The following DNAH9 variants were observed in gnomAD, a reference collection of about 807,000 sequenced individuals.
DNAH9 encodes the protein dynein axonemal heavy chain 9, also known as DNAH9 variant protein.
Under a neutral mutation model 471.6 loss-of-function variants are expected in DNAH9, and 345 were observed. That is an observed-to-expected ratio of 0.73 (90% CI 0.67 to 0.80). The LOEUF (loss-of-function observed/expected upper bound fraction) is 0.80. DNAH9 is among the 30% of genes least tolerant of loss of function. The pLI, the probability that DNAH9 is intolerant of heterozygous loss-of-function variation, is 0.00. For synonymous variants in DNAH9, 2,093 were observed against 2,123.6 expected, an observed-to-expected ratio of 0.99 and a Z score of 0.40; for missense variants, 5,407 against 5,609.2, an observed-to-expected ratio of 0.96 and a Z score of 1.15.
chr17:11,760,764 C>A (rs1967631051), intron 35 of DNAH9, among the ~76,000 whole-genome samples: 1 of 152,126 alleles, frequency 6.6e-6, no homozygotes, highest in African/African-American at 2.4e-5. Flanking sequence ...GTGATCTGCC[C>A]TCCTCGGCCT....
At chr17:11,619,927 G>A in intron 6 of DNAH9, 146 bp downstream of exon 6, 1 of 612,474 alleles carries the variant, frequency 1.6e-6, no homozygotes. Context: ...GGTTCAATTG[G>A]CCAGTCACAG....
At chr17:11,958,919 GATAAT>G (rs1975837135) in intron 67 of DNAH9, among the ~76,000 whole-genome samples, 1 of 151,994 alleles carries the variant, frequency 6.6e-6, no homozygotes, top group African/African-American at 2.4e-5. Context: ...ATAAGAATAA[GATAAT>G]ATATCATGGC....
Position 11,598,795 on chromosome 17 carries a change from G to T in DNAH9, c.297G>T (p.Lys99Asn). 1 of 1,479,468 alleles carries T rather than the reference G, an allele frequency of 6.8e-7. No individual in the cohort carries two copies. 91.6% of individuals were successfully genotyped at this position (1,479,468 alleles called of 1,614,324 possible). ...CTGAGTCGGGCCTGGCTGGCGCTAA[G>T]GCGCTTTTTTTCCTTCGCACCGGGC... ...VGPESGLAGA[K>N]ALFFLRTGPE... The change falls in exon 1 of 69, where the codon AAG (lysine) becomes AAT (asparagine). Residue 99 changes from lysine to asparagine, a missense_variant. This residue lies in a region of DNAH9 where 767 missense variants were observed against 692.5 expected (regional missense o/e 1.11). Transcript: ENST00000262442.
intron 20 of DNAH9, 56 bp downstream of exon 20, chr17:11,690,492 G>T: frequency 6.6e-7 from 1 of 1,505,036 alleles, no homozygotes; most frequent in Admixed American, 1.8e-5. Flanking sequence ...GTGAAGGGAA[G>T]GTCACCCAGT....
In DNAH9 at chr17:11,891,903, T is replaced by G; in HGVS notation, c.11239T>G (p.Phe3747Val). 1 of 1,614,074 alleles carries G rather than the reference T, an allele frequency of 6.2e-7. No homozygotes were observed. The highest frequency in any genetic ancestry group is 1.3e-5 in the African/African-American group (1 of 75,040). The change falls in exon 58 of 69, where the codon TTT (phenylalanine) becomes GTT (valine). Residue 3747 changes from phenylalanine to valine, a missense_variant. Around this residue, in one of 3 missense-constraint regions of DNAH9, gnomAD observed 4,636 missense variants for 4,900.3 expected, o/e 0.95. Coordinates refer to ENST00000262442, the MANE Select transcript of DNAH9 (RefSeq NM_001372.4). ...GTACCAGTACACCATCCGCGGGCTC[T>G]TTGAGTGTGATAAGCTGACCTACCT... Reference protein sequence around the residue: ...SVYQYTIRGLFECDKLTYLAQ... With the variant: ...SVYQYTIRGLVECDKLTYLAQ...
intron 50 of DNAH9, among the ~76,000 whole-genome samples, chr17:11,865,663 G>T (rs1206639773): frequency 6.6e-6 from 1 of 151,952 alleles, no homozygotes. Context: ...ACACCAATCA[G>T]ACGTAGATTT....
At chr17:11,818,942 C>A (rs981159249) in intron 45 of DNAH9, among the ~76,000 whole-genome samples, 5 of 151,126 alleles carry the variant, frequency 3.3e-5, no homozygotes, top group African/African-American at 9.7e-5. Flanking sequence ...TCCATTATTA[C>A]CATTCCTCCT....
intron 6 of DNAH9, among the ~76,000 whole-genome samples, chr17:11,627,448 T>C (rs879892576): frequency 1.2e-4 from 19 of 152,180 alleles, no homozygotes; most frequent in Non-Finnish European, 2.5e-4. Context: ...GAAATTGACA[T>C]CCACAGAATT....
chr17:11,661,043 GAAGTTCTGTT>G (rs961614749), intron 14 of DNAH9, among the ~76,000 whole-genome samples: 2 of 148,780 alleles, frequency 1.3e-5, no homozygotes, highest in African/African-American at 5.2e-5. Context: ...TCATGTGTTT[GAAGTTCTGTT>G]AAGTTCTGTT....
chr17:11,819,952 G>A (rs1249196984), intron 45 of DNAH9, among the ~76,000 whole-genome samples: 2 of 151,676 alleles, frequency 1.3e-5, no homozygotes. Context: ...TTAATTTTTT[G>A]CACGGTTTGG....
chr17:11,952,529 T>C (rs562786592), intron 67 of DNAH9, among the ~76,000 whole-genome samples: 25 of 152,204 alleles, frequency 1.6e-4, no homozygotes, highest in African/African-American at 5.1e-4. Context: ...GGCTATCATA[T>C]GAGACACTGT....
intron 15 of DNAH9, among the ~76,000 whole-genome samples, chr17:11,668,664 C>CAAAAAAAAA (rs56347198): frequency 9.9e-6 from 1 of 100,558 alleles, no homozygotes. Context: ...GACTGCATCT[C>CAAAAAAAAA]AAAAAAAAAA....
In DNAH9 at chr17:11,744,730, C is replaced by T. The variant is rs1263867865; in HGVS notation, c.6112-67C>T. On this transcript the variant is annotated intron_variant, in intron 30 of 68. Coordinates refer to ENST00000262442, the MANE Select transcript of DNAH9 (RefSeq NM_001372.4). ...TAATGCTCATAGCATATCTATGATT[C>T]TGCAGACACTCACCCCAGCACATGG... The T allele has an allele frequency of 2.2e-6, 3 of 1,378,906 alleles. No homozygotes were observed. In the African/African-American group the frequency reaches 4.3e-5, roughly 20 times the overall value. 85.4% of individuals were successfully genotyped at this position (1,378,906 alleles called of 1,614,324 possible). A position where few individuals can be genotyped will look rare whatever the true frequency, so the allele number is the denominator to read the frequency against.
At chr17:11,699,185 G>C (rs1051397733) in intron 22 of DNAH9, among the ~76,000 whole-genome samples, 1 of 152,072 alleles carries the variant, frequency 6.6e-6, no homozygotes, top group South Asian at 2.1e-4. Flanking sequence ...GGAGGTGGAG[G>C]TTGCAGTGAG....
At chr17:11,668,715 G>T (rs2073922731) in intron 15 of DNAH9, among the ~76,000 whole-genome samples, 1 of 151,216 alleles carries the variant, frequency 6.6e-6, no homozygotes, top group African/African-American at 2.4e-5. Flanking sequence ...CCAGAGGCTG[G>T]ACTGTCCCCC....
At chr17:11,823,252 G>A (rs1970376321) in intron 48 of DNAH9, among the ~76,000 whole-genome samples, 1 of 151,964 alleles carries the variant, frequency 6.6e-6, no homozygotes. Context: ...GTTTATCCTT[G>A]TCCATAGTAA....
At chr17:11,868,765 C>G (rs1972153462) in intron 50 of DNAH9, among the ~76,000 whole-genome samples, 1 of 152,040 alleles carries the variant, frequency 6.6e-6, no homozygotes, top group African/African-American at 2.4e-5. Flanking sequence ...TTTTCTCCAA[C>G]TCAAGCAGAG....
intron 27 of DNAH9, among the ~76,000 whole-genome samples, chr17:11,724,922 A>G (rs1330447925): frequency 6.6e-6 from 1 of 152,162 alleles, no homozygotes; most frequent in Non-Finnish European, 1.5e-5. Flanking sequence ...CTCTTCCTTC[A>G]ACTAGTTGGT....
At chr17:11,884,634 T>C in intron 56 of DNAH9, 1 of 451,464 alleles carries the variant, frequency 2.2e-6, no homozygotes, top group Non-Finnish European at 4.5e-6. Flanking sequence ...AACCAGGTCA[T>C]ACCCACTCTG....
Sources: allele counts gnomAD v4.1 joint callset (sites outside exome capture counted in the v4.1 genomes callset), GRCh38; gene constraint gnomAD v4.1.1; regional missense constraint gnomAD v4.1.1; transcripts MANE v1.5; gene names NCBI Gene and HGNC (gene_info 2026-07-23, HGNC 2026-07-21).